AKAP19: variants seen among roughly 807,000 people sequenced by gnomAD.
AKAP19 encodes the protein small A-kinase anchoring protein.
chr2:190,136,984 G>A, the AKAP19 span, among the ~76,000 whole-genome samples: 3 of 152,348 alleles, frequency 2.0e-5, no homozygotes, highest in South Asian at 2.1e-4. Context: ...GCTTTTGGAA[G>A]TGTTGAAGGT....
the AKAP19 span, among the ~76,000 whole-genome samples, chr2:189,928,342 G>A: frequency 6.6e-6 from 1 of 152,044 alleles, no homozygotes; most frequent in Admixed American, 6.6e-5. Flanking sequence ...CCATTGTAAA[G>A]TTGGAGAAGC....
At chr2:189,909,269 T>C in the AKAP19 span, among the ~76,000 whole-genome samples, 1 of 151,030 alleles carries the variant, frequency 6.6e-6, no homozygotes, top group African/African-American at 2.4e-5. Flanking sequence ...GCAAGTCTCT[T>C]GTAGGCAGCT....
chr2:189,914,715 A>T, the AKAP19 span, among the ~76,000 whole-genome samples: 1 of 150,244 alleles, frequency 6.7e-6, no homozygotes, highest in African/African-American at 2.4e-5. Context: ...TCTATTAGCT[A>T]AGATTGTTAT....
At chr2:190,145,871 CTA>C in the AKAP19 span, among the ~76,000 whole-genome samples, 72 of 79,020 alleles carry the variant, frequency 9.1e-4, 1 homozygote, top group African/African-American at 2.9e-3. Flanking sequence ...ATATATATAA[CTA>C]TATATATATA....
At chr2:189,959,854 A>T in the AKAP19 span, among the ~76,000 whole-genome samples, 2 of 152,220 alleles carry the variant, frequency 1.3e-5, no homozygotes, top group Non-Finnish European at 2.9e-5. Flanking sequence ...GTAATGTTAT[A>T]TTCATTTGAA....
chr2:189,906,713 T>G, the AKAP19 span, among the ~76,000 whole-genome samples: 1 of 152,190 alleles, frequency 6.6e-6, no homozygotes, highest in Non-Finnish European at 1.5e-5. Flanking sequence ...AAATATTCCC[T>G]TATTTTTGAA....
chr2:190,042,652 T>C, the AKAP19 span, among the ~76,000 whole-genome samples: 1 of 152,126 alleles, frequency 6.6e-6, no homozygotes, highest in Non-Finnish European at 1.5e-5. Context: ...GGGCTTTTAG[T>C]GCTATGAATT....
At chr2:190,028,165 T>C in the AKAP19 span, among the ~76,000 whole-genome samples, 28 of 152,294 alleles carry the variant, frequency 1.8e-4, no homozygotes, top group African/African-American at 6.5e-4. Context: ...ATGAGATATA[T>C]ACAAAAATTC....
At chr2:190,154,972 A>G in the AKAP19 span, among the ~76,000 whole-genome samples, 1 of 152,176 alleles carries the variant, frequency 6.6e-6, no homozygotes, top group Non-Finnish European at 1.5e-5. Flanking sequence ...CCGCTTTTCT[A>G]AGGCTTACTT....
chr2:189,892,681 A>T, the AKAP19 span, among the ~76,000 whole-genome samples: 2 of 152,182 alleles, frequency 1.3e-5, no homozygotes, highest in Non-Finnish European at 2.9e-5. Flanking sequence ...CCCTGCTGGG[A>T]GGTGTCTCCT....
At chr2:189,975,557 A>G in the AKAP19 span, among the ~76,000 whole-genome samples, 1 of 152,146 alleles carries the variant, frequency 6.6e-6, no homozygotes, top group African/African-American at 2.4e-5. Context: ...GTTCTCCTGG[A>G]TGATATCCTG....
the AKAP19 span, among the ~76,000 whole-genome samples, chr2:189,995,860 G>A: frequency 1.3e-5 from 2 of 152,104 alleles, no homozygotes; most frequent in African/African-American, 4.8e-5. Context: ...ATGAAGCTTA[G>A]TTTTGCTGGA....
At chr2:190,017,079 A>T in the AKAP19 span, among the ~76,000 whole-genome samples, 2 of 152,122 alleles carry the variant, frequency 1.3e-5, no homozygotes, top group Non-Finnish European at 2.9e-5. Context: ...AGTCTGTTTT[A>T]TCTGGTATAA....
the AKAP19 span, among the ~76,000 whole-genome samples, chr2:189,975,398 C>A: frequency 1.3e-5 from 2 of 152,230 alleles, no homozygotes; most frequent in Non-Finnish European, 2.9e-5. Context: ...ACCTTTCTCT[C>A]TGGCTGCCCT....
chr2:190,036,733 A>G, the AKAP19 span, among the ~76,000 whole-genome samples: 5 of 152,304 alleles, frequency 3.3e-5, no homozygotes, highest in East Asian at 9.7e-4. Context: ...TCAACATTTC[A>G]CTTTCAGCTG....
chr2:190,057,754 T>C, the AKAP19 span: 20 of 1,099,440 alleles, frequency 1.8e-5, no homozygotes, highest in Non-Finnish European at 2.7e-5. Context: ...ATACCACATT[T>C]ATTTTTAAAA....
the AKAP19 span, among the ~76,000 whole-genome samples, chr2:190,082,048 A>C: frequency 6.6e-6 from 1 of 152,160 alleles, no homozygotes; most frequent in Non-Finnish European, 1.5e-5. Flanking sequence ...GAGACCACTG[A>C]GTATGGAGTG....
chr2:190,071,525 T>C, the AKAP19 span, among the ~76,000 whole-genome samples: 3 of 152,192 alleles, frequency 2.0e-5, no homozygotes, highest in Non-Finnish European at 4.4e-5. Flanking sequence ...CAGTAGATTA[T>C]ACCATCTGGG....
chr2:190,106,797 C>T, the AKAP19 span, among the ~76,000 whole-genome samples: 2 of 152,108 alleles, frequency 1.3e-5, no homozygotes. Context: ...ATAAGTACTA[C>T]TACTTCACTA....
Sources: gnomAD v4.1 joint callset for allele counts (sites outside exome capture counted in the v4.1 genomes callset) on GRCh38, gnomAD v4.1.1 for gene constraint, MANE v1.5 for transcripts, NCBI Gene and HGNC (gene_info 2026-07-23, HGNC 2026-07-21) for gene names.